PAK2: variants seen among roughly 807,000 people sequenced by gnomAD.
PAK2 encodes serine/threonine-protein kinase PAK 2.
PAK2 carries 21 observed loss-of-function variants against 65.9 expected under a neutral mutation model. The observed-to-expected ratio is 0.32, with a 90% CI of 0.23 to 0.46. PAK2 has a LOEUF of 0.46. PAK2 is among the 20% of genes least tolerant of loss of function. The probability of loss-of-function intolerance (pLI) is 1.00; values close to 1 mark genes in which losing one functional copy is unlikely to be tolerated. For missense variants in PAK2, 324 were observed against 642.6 expected (o/e 0.50, Z 5.36); for synonymous variants, 204 against 219.7 (o/e 0.93, Z 0.63).
Position 196,820,438 on chromosome 3 carries a change from A to G in PAK2, c.1221A>G (p.Pro407=), listed in dbSNP as rs370690993. 3.1e-6 allele frequency: 5 copies of G among 1,613,536 alleles called. No individual in the cohort carries two copies. The highest frequency in any genetic ancestry group is 4.2e-6 in the Non-Finnish European group (5 of 1,179,596). The part of the protein sequence containing the change: ...QSKRSTMVGT[P]YWMAPEVVTR... ...AACGCAGTACCATGGTCGGAACGCC[A>G]TACTGGATGGCACCAGAGGTGGTTA... The change falls in exon 13 of 15, where the codon CCA becomes CCG. Residue 407 remains proline (P), a synonymous_variant. Coordinates refer to ENST00000327134, the MANE Select transcript of PAK2 (RefSeq NM_002577.4). This position sits in a 1 kb window ranked among gnomAD's most constrained non-coding sequence, Gnocchi z 4.6.
At position 196,751,521 on chromosome 3, in the gene PAK2, C is replaced by T. The variant is rs1366369266; in HGVS notation, c.-22+11364C>T. Among the ~76,000 whole-genome samples the T allele has an allele frequency of 3.3e-5, 5 of 150,376 alleles. No individual in the cohort carries two copies. The East Asian group carries it at 5.9e-4, about 18-fold the overall frequency. ...AAATTAGCCAGCGTGGTGGCACGCA[C>T]CTGTAATCCCAGCTACTCGGGAGGC... is the stretch of plus-strand genomic sequence containing the variant. On this transcript the variant is annotated intron_variant, in intron 1 of 14. Transcript: ENST00000327134.
chr3:196,798,038 C>G (rs1298658692), intron 2 of PAK2, among the ~76,000 whole-genome samples: 4 of 151,964 alleles, frequency 2.6e-5, no homozygotes, highest in Non-Finnish European at 5.9e-5. Context: ...GCTAAGCCAT[C>G]TTAATAAACT....
chr3:196,805,854 A>C (rs1214809912), intron 5 of PAK2, among the ~76,000 whole-genome samples: 2 of 151,670 alleles, frequency 1.3e-5, no homozygotes, highest in African/African-American at 2.4e-5. Flanking sequence ...ATTGGGAGGA[A>C]ACAGTCTCCT....
chr3:196,751,741 C>CTTTTT (rs200558658), intron 1 of PAK2, among the ~76,000 whole-genome samples: 3 of 79,302 alleles, frequency 3.8e-5, no homozygotes, highest in Non-Finnish European at 4.5e-5. Flanking sequence ...AAATGAATTT[C>CTTTTT]TTTTTTTTTT....
At chr3:196,805,433 C>T (rs909322635) in intron 5 of PAK2, 50 bp downstream of exon 5, 6 of 883,936 alleles carry the variant, frequency 6.8e-6, no homozygotes, top group Non-Finnish European at 1.1e-5. Flanking sequence ...TTTAGGTTAC[C>T]CAAGACAAAT....
intron 9 of PAK2, 108 bp downstream of exon 9, chr3:196,812,375 T>C (rs1715856238): frequency 2.6e-6 from 2 of 756,656 alleles, no homozygotes; most frequent in Non-Finnish European, 4.8e-6. Context: ...TTGAGCCCGT[T>C]GTAAGAATCG....
At chr3:196,775,063 T>G (rs964312722) in intron 1 of PAK2, among the ~76,000 whole-genome samples, 6 of 152,298 alleles carry the variant, frequency 3.9e-5, no homozygotes, top group African/African-American at 1.4e-4. Flanking sequence ...AAGGCCATGC[T>G]TATATTTATT....
In PAK2 at chr3:196,800,096, C is replaced by A. The variant is rs541857340; in HGVS notation, c.188-1831C>A. Among the ~76,000 whole-genome samples, 7 of 152,280 alleles carry A rather than the reference C, an allele frequency of 4.6e-5. No individual in the cohort carries two copies. The South Asian group carries it at 8.3e-4, about 18-fold the overall frequency. On this transcript the variant is annotated intron_variant, in intron 2 of 14. Transcript: ENST00000327134. ...TTGTTAAGAAATCAAGAAATAAATT[C>A]TCAGCCAGGTGCAGTGGCTCATGTC... is the stretch of plus-strand genomic sequence containing the variant.
At chr3:196,819,907 G>A (rs865901475) in intron 12 of PAK2, among the ~76,000 whole-genome samples, 3 of 152,152 alleles carry the variant, frequency 2.0e-5, no homozygotes, top group Admixed American at 6.6e-5. Flanking sequence ...GGAGGCCAAG[G>A]TGGGAAGATC....
chr3:196,748,472 C>T (rs1713464928), intron 1 of PAK2, among the ~76,000 whole-genome samples: 1 of 152,220 alleles, frequency 6.6e-6, no homozygotes, highest in Non-Finnish European at 1.5e-5. Flanking sequence ...AAACTCTCTG[C>T]TCCACCTGTT....
intron 1 of PAK2, among the ~76,000 whole-genome samples, chr3:196,756,719 C>G (rs905063299): frequency 3.9e-5 from 6 of 152,124 alleles, no homozygotes; most frequent in African/African-American, 1.4e-4. Context: ...GCCTGTAGTC[C>G]CAGCTACTCG....
At chr3:196,743,877 G>A (rs1257793448) in intron 1 of PAK2, among the ~76,000 whole-genome samples, 9 of 151,498 alleles carry the variant, frequency 5.9e-5, no homozygotes, top group African/African-American at 2.2e-4. Context: ...GTGAGACTCC[G>A]TCTCAAAAAC....
In PAK2 at chr3:196,770,711, C is replaced by G. The variant is rs111727458; in HGVS notation, c.-21-11915C>G. 4.7e-3 allele frequency among the ~76,000 whole-genome samples: 646 copies of G among 136,790 alleles called. 13 individuals are homozygous for G. Among genetic ancestry groups the G allele is most frequent in the African/African-American group, 0.016 (609 of 39,190 alleles). The allele number at this position is 136,790 out of a possible 152,430, so 89.7% of individuals were successfully genotyped here. A position where few individuals can be genotyped will look rare whatever the true frequency, so the allele number is the denominator to read the frequency against. On this transcript the variant is annotated intron_variant, in intron 1 of 14. Transcript: ENST00000327134. The stretch of plus-strand genomic sequence containing the variant: ...CATCTCGGCTCACTGTAATCTCCGC[C>G]TCCCGGGTTCAAGCAATTCTCCTGC...
intron 1 of PAK2, among the ~76,000 whole-genome samples, chr3:196,776,403 GTTTCATGCAACACCT>G (rs887440770): frequency 1.3e-5 from 2 of 152,152 alleles, no homozygotes; most frequent in African/African-American, 4.8e-5. Context: ...CTAGCCCTCT[GTTTCATGCAACACCT>G]TTTTTTATTT....
At position 196,749,298 on chromosome 3, in the gene PAK2, G is replaced by C. The variant is rs191283860; in HGVS notation, c.-22+9141G>C. On this transcript the variant is annotated intron_variant, in intron 1 of 14. Transcript: ENST00000327134. ...TTGCTGGGTCATATGATAATTCTGT[G>C]TTTCATTTTTTGAGGAACTACCGTA... Among the ~76,000 whole-genome samples the C allele has an allele frequency of 5.8e-3, 886 of 152,150 alleles. 3 individuals are homozygous for C. The highest frequency in any genetic ancestry group is 0.011 in the Non-Finnish European group (731 of 68,000).
chr3:196,812,835 G>A lies in PAK2; in HGVS notation c.919G>A (p.Val307Ile), dbSNP rs771997078. The A allele has an allele frequency of 6.0e-6, 9 of 1,488,170 alleles. No individual in the cohort carries two copies. Among genetic ancestry groups the A allele is most frequent in the Admixed American group, 3.4e-5 (2 of 59,376 alleles). The allele number at this position is 1,488,170 out of a possible 1,614,324, so 92.2% of individuals were successfully genotyped here. A position where few individuals can be genotyped will look rare whatever the true frequency, so the allele number is the denominator to read the frequency against. Residue 307 changes from valine to isoleucine, a missense_variant, in exon 10 of 15, where the codon GTT becomes ATT. Physicochemically the swap from Val to Ile is conservative, Grantham distance 29 (BLOSUM62 3). Around this residue, in one of 5 missense-constraint regions of PAK2, gnomAD observed 183 missense variants for 246.2 expected, o/e 0.74. Transcript: ENST00000327134. The part of the protein sequence containing the change: ...VMKELKNPNI[V>I]NFLDSYLVGD... Reference sequence around the variant, plus strand: ...GAAAGAATTGAAAAATCCCAACATCGTTAACTTTTTGGACAGGTAAGTATG... The same window carrying A: ...GAAAGAATTGAAAAATCCCAACATCATTAACTTTTTGGACAGGTAAGTATG...
intron 1 of PAK2, among the ~76,000 whole-genome samples, chr3:196,763,574 C>T (rs184902569): frequency 3.9e-5 from 6 of 151,924 alleles, no homozygotes; most frequent in East Asian, 1.9e-4. Context: ...TTAACTGCTG[C>T]GGGAGCTCAG....
At chr3:196,811,685 G>A (rs564885501) in intron 8 of PAK2, among the ~76,000 whole-genome samples, 1 of 152,082 alleles carries the variant, frequency 6.6e-6, no homozygotes, top group South Asian at 2.1e-4. Context: ...CCAGTGTTGA[G>A]TCACAAAAGC....
chr3:196,780,054 A>G (rs1714657906), intron 1 of PAK2, among the ~76,000 whole-genome samples: 1 of 152,256 alleles, frequency 6.6e-6, no homozygotes, highest in Admixed American at 6.5e-5. Context: ...ACTTAGGAAT[A>G]GCCAGCTGCA....
Sources: allele counts gnomAD v4.1 joint callset (sites outside exome capture counted in the v4.1 genomes callset), GRCh38; gene constraint gnomAD v4.1.1; regional missense constraint gnomAD v4.1.1; non-coding constraint Gnocchi (gnomAD v3.1); transcripts MANE v1.5; gene names NCBI Gene and HGNC (gene_info 2026-07-23, HGNC 2026-07-21).